CAMK2D: variants seen among roughly 807,000 people sequenced by gnomAD.
CAMK2D encodes the protein calcium/calmodulin dependent protein kinase II delta.
A neutral mutation model predicts 84.0 loss-of-function variants in CAMK2D; 37 were observed. That is an observed-to-expected ratio of 0.44 (90% CI 0.34 to 0.58). The LOEUF (loss-of-function observed/expected upper bound fraction) is 0.58. Among genes scored for constraint, CAMK2D ranks in the 20% least tolerant of loss-of-function variants. The probability of loss-of-function intolerance (pLI) is 0.02; values close to 1 mark genes in which losing one functional copy is unlikely to be tolerated. For synonymous variants in CAMK2D, 202 were observed against 212.5 expected, an observed-to-expected ratio of 0.95 and a Z score of 0.43; for missense variants, 448 against 652.5, an observed-to-expected ratio of 0.69 and a Z score of 3.41.
intron 6 of CAMK2D, among the ~76,000 whole-genome samples, chr4:113,542,670 G>C (rs1293718128): frequency 6.0e-5 from 9 of 151,012 alleles, no homozygotes; most frequent in African/African-American, 9.7e-5. Context: ...AGCTGAGATC[G>C]CGCCACTGCC....
chr4:113,547,640 T>C lies in CAMK2D; in HGVS notation c.414+4A>G, dbSNP rs776939882. 1.3e-6 allele frequency: 2 copies of C among 1,550,252 alleles called. No homozygotes were observed. Among genetic ancestry groups the C allele is most frequent in the African/African-American group, 1.4e-5 (1 of 73,988 alleles). ...GGTTTATCTTCTTCAACCGCATTAC[T>C]CACCTTCAGGTCCCGATGGACCACG... On this transcript the variant is annotated splice_donor_region_variant and intron_variant, in intron 6 of 20. Coordinates refer to ENST00000511664, the MANE Select transcript of CAMK2D (RefSeq NM_001321571.2).
intron 16 of CAMK2D, among the ~76,000 whole-genome samples, chr4:113,473,162 G>A (rs1353392964): frequency 6.6e-6 from 1 of 152,138 alleles, no homozygotes; most frequent in Non-Finnish European, 1.5e-5. Flanking sequence ...TAATTACTAG[G>A]CTAAGGGTGT....
chr4:113,466,138 C>T (rs2097460274), intron 16 of CAMK2D, among the ~76,000 whole-genome samples: 1 of 151,776 alleles, frequency 6.6e-6, no homozygotes, highest in Non-Finnish European at 1.5e-5. Context: ...TGCCTATAAT[C>T]CCAGCTACTT....
chr4:113,580,468 G>A (rs941941087), intron 4 of CAMK2D, among the ~76,000 whole-genome samples: 4 of 152,110 alleles, frequency 2.6e-5, no homozygotes, highest in African/African-American at 7.2e-5. Flanking sequence ...TTTCTTAACC[G>A]TAGATATAAC....
chr4:113,645,981 G>A (rs1027046773), intron 3 of CAMK2D, among the ~76,000 whole-genome samples: 1 of 152,210 alleles, frequency 6.6e-6, no homozygotes, highest in Non-Finnish European at 1.5e-5. Flanking sequence ...TGTTAAGGAA[G>A]GTCAGGCAGT....
chr4:113,652,594 A>C (rs2099178884), intron 3 of CAMK2D, among the ~76,000 whole-genome samples: 1 of 152,132 alleles, frequency 6.6e-6, no homozygotes. Flanking sequence ...GGGATTCTGC[A>C]CAACTCAAGC....
chr4:113,503,323 G>C, intron 14 of CAMK2D: 2 of 548,912 alleles, frequency 3.6e-6, no homozygotes, highest in Admixed American at 1.9e-5. Context: ...GTGAACGTCT[G>C]TCCCATAGAG....
rs906802686 is a variant in CAMK2D at position 113,512,722 on chromosome 4, G to A, written c.946+606C>T. On this transcript the variant is annotated intron_variant, in intron 12 of 20. Transcript: ENST00000511664. ...CAAGTAGCTGGGACAACAGGCACGC[G>A]CCACCACACTCAGCTAATTTTTGTA... 4.6e-5 allele frequency among the ~76,000 whole-genome samples: 7 copies of A among 152,186 alleles called. 1 individual carries two copies. The highest frequency in any genetic ancestry group is 6.8e-3 in the Middle Eastern group (2 of 294).
rs112870245 is a variant in CAMK2D at position 113,575,206 on chromosome 4, AT to A, written c.276-23111del. On this transcript the variant is annotated intron_variant, in intron 4 of 20. Transcript: ENST00000511664. ...GGTAATTATTTATTTGAAGATTACC[AT>A]CCACTCCATGGATAGAAAGACAATA... Among the ~76,000 whole-genome samples, 1,158 of 152,348 alleles carry A rather than the reference AT, an allele frequency of 7.6e-3. 15 individuals carry two copies. The highest frequency in any genetic ancestry group is 0.026 in the African/African-American group (1,080 of 41,578).
At chr4:113,639,549 T>C (rs1181025588) in intron 3 of CAMK2D, among the ~76,000 whole-genome samples, 1 of 151,954 alleles carries the variant, frequency 6.6e-6, no homozygotes, top group Non-Finnish European at 1.5e-5. Context: ...GCCAGGCACC[T>C]TTGTACACTA....
chr4:113,706,624 C>T (rs2099457556), intron 2 of CAMK2D, among the ~76,000 whole-genome samples: 1 of 152,102 alleles, frequency 6.6e-6, no homozygotes, highest in Non-Finnish European at 1.5e-5. Flanking sequence ...GATGGTATGG[C>T]TACAACTTTG....
chr4:113,754,980 C>A, intron 2 of CAMK2D: 1 of 984,394 alleles, frequency 1.0e-6, no homozygotes, highest in Non-Finnish European at 1.2e-6. Flanking sequence ...TCCAATTTGC[C>A]AAATCAATAA....
intron 2 of CAMK2D, among the ~76,000 whole-genome samples, chr4:113,723,129 T>A (rs924877286): frequency 6.6e-6 from 1 of 152,016 alleles, no homozygotes; most frequent in East Asian, 1.9e-4. Context: ...TTCAAAAAAA[T>A]TACAATTGCT....
chr4:113,755,753 TAAAC>T (rs2099627152), intron 2 of CAMK2D, among the ~76,000 whole-genome samples: 1 of 151,968 alleles, frequency 6.6e-6, no homozygotes, highest in African/African-American at 2.4e-5. Context: ...CATGTATAAA[TAAAC>T]AGAATATCAA....
chr4:113,596,827 T>C (rs374735838), intron 4 of CAMK2D, among the ~76,000 whole-genome samples: 1 of 151,742 alleles, frequency 6.6e-6, no homozygotes, highest in South Asian at 2.1e-4. Context: ...AGAATTTTTT[T>C]TTTTTTTTTT....
intron 7 of CAMK2D, 58 bp from the exon 8 acceptor site, chr4:113,531,357 G>A (rs2098456930): frequency 1.2e-6 from 1 of 869,070 alleles, no homozygotes; most frequent in East Asian, 2.5e-5. Context: ...TATGAAATGG[G>A]AAACTAAGAA....
chr4:113,558,983 AAAAT>A (rs2098685693), intron 4 of CAMK2D, among the ~76,000 whole-genome samples: 3 of 152,338 alleles, frequency 2.0e-5, no homozygotes, highest in South Asian at 4.1e-4. Context: ...CCCTGTCTCA[AAAAT>A]AAATAAATAC....
intron 3 of CAMK2D, among the ~76,000 whole-genome samples, chr4:113,615,013 T>C (rs1490247014): frequency 6.6e-6 from 1 of 152,146 alleles, no homozygotes; most frequent in Non-Finnish European, 1.5e-5. Flanking sequence ...CAGCTCTGAG[T>C]AATAGTCCTG....
At chr4:113,531,000 C>A (rs923767647) in intron 8 of CAMK2D, among the ~76,000 whole-genome samples, 3 of 152,150 alleles carry the variant, frequency 2.0e-5, no homozygotes, top group Non-Finnish European at 2.9e-5. Context: ...AGGAGAATTG[C>A]TTAAACCTGG....
Sources: allele counts gnomAD v4.1 joint callset (sites outside exome capture counted in the v4.1 genomes callset), GRCh38; gene constraint gnomAD v4.1.1; transcripts MANE v1.5; gene names NCBI Gene and HGNC (gene_info 2026-07-23, HGNC 2026-07-21).